SHPRH: variants seen among roughly 807,000 people sequenced by gnomAD.
The protein encoded by SHPRH is E3 ubiquitin-protein ligase SHPRH.
SHPRH carries 106 observed loss-of-function variants against 202.5 expected under a neutral mutation model. That is an observed-to-expected ratio of 0.52 (90% CI 0.45 to 0.62). The LOEUF (loss-of-function observed/expected upper bound fraction) is 0.62, where lower values mean the gene tolerates loss of function less well. SHPRH is among the 20% of genes least tolerant of loss of function. The pLI is 0.00. For synonymous variants in SHPRH, 729 were observed against 686.0 expected (o/e 1.06, Z -0.98); for missense variants, 1,710 against 2,020.0 (o/e 0.85, Z 2.94).
chr6:145,951,947 T>C (rs1265854384), intron 3 of SHPRH: 1 of 454,356 alleles, frequency 2.2e-6, no homozygotes, highest in Non-Finnish European at 4.4e-6. Context: ...AGAGCAAAGT[T>C]ATCTGGTCTT....
intron 23 of SHPRH, among the ~76,000 whole-genome samples, chr6:145,915,532 A>T (rs1022511767): frequency 2.6e-5 from 4 of 151,858 alleles, no homozygotes; most frequent in Admixed American, 2.6e-4. Flanking sequence ...CACTTTTTTT[A>T]AAAAAAGGAA....
At chr6:145,877,307 T>G (rs1255977560) in intron 2 of SHPRH, among the ~76,000 whole-genome samples, 2 of 152,222 alleles carry the variant, frequency 1.3e-5, no homozygotes, top group African/African-American at 4.8e-5. Flanking sequence ...ATTTTCTGTA[T>G]CCTTAACAAA....
Position 145,943,335 on chromosome 6 carries a change from C to G in SHPRH, c.2046G>C (p.Leu682=). The G allele has an allele frequency of 6.2e-7, 1 of 1,613,868 alleles. No individual in the cohort carries two copies. Among genetic ancestry groups the G allele is most frequent in the Middle Eastern group, 1.7e-4 (1 of 6,056 alleles). ...AATTCACACACTTTGCATGTTGCCA[C>G]AGGTGACACTTCAGGCATTGAACAC... ...KPRVQCLKCH[L]WQHAKCVNYD... Residue 682 remains leucine (L), a synonymous_variant, in exon 9 of 30, where the codon CTG becomes CTC. Transcript: ENST00000275233.
At chr6:145,889,153 G>A in intron 28 of SHPRH, among the ~76,000 whole-genome samples, 1 of 152,094 alleles carries the variant, frequency 6.6e-6, no homozygotes, top group East Asian at 1.9e-4. Context: ...TCTGGGCTGG[G>A]GGATATACAC....
chr6:145,884,269 A>G (rs1780804605), downstream of SHPRH: 1 of 152,240 alleles, frequency 6.6e-6, no homozygotes, highest in Non-Finnish European at 1.5e-5. Flanking sequence ...TGGCTTATTC[A>G]GCTCAGGTCA....
intron 2 of SHPRH, among the ~76,000 whole-genome samples, chr6:145,879,360 A>G (rs1780448384): frequency 6.6e-6 from 1 of 152,202 alleles, no homozygotes; most frequent in African/African-American, 2.4e-5. Context: ...AGTTGGCTGA[A>G]GATATTCTGG....
chr6:145,917,595 G>GA (rs5880659), intron 23 of SHPRH: 96,241 of 151,860 alleles, frequency 0.63, 31,003 homozygotes, highest in African/African-American at 0.73. Flanking sequence ...AGCAAAATAT[G>GA]ATTCCTGCAA....
intron 25 of SHPRH, among the ~76,000 whole-genome samples, chr6:145,895,522 C>A (rs1285052844): frequency 2.0e-5 from 3 of 148,690 alleles, no homozygotes; most frequent in Admixed American, 2.0e-4. Context: ...CAAAGCTAGA[C>A]ACTTAAAACT....
downstream of SHPRH, among the ~76,000 whole-genome samples, chr6:145,882,068 C>G (rs1780617578): frequency 6.6e-6 from 1 of 151,420 alleles, no homozygotes; most frequent in South Asian, 2.1e-4. Flanking sequence ...TACACTTCAC[C>G]CTGGGTAACA....
intron 23 of SHPRH, among the ~76,000 whole-genome samples, chr6:145,914,423 A>T (rs989875975): frequency 6.6e-6 from 1 of 152,180 alleles, no homozygotes; most frequent in Admixed American, 6.5e-5. Flanking sequence ...CATTTATATA[A>T]ATGGTGAGAT....
At chr6:145,955,807 A>G (rs1315718487) in intron 1 of SHPRH, among the ~76,000 whole-genome samples, 1 of 152,088 alleles carries the variant, frequency 6.6e-6, no homozygotes, top group African/African-American at 2.4e-5. Context: ...CAGAAAAATA[A>G]GACCCATTAC....
intron 25 of SHPRH, chr6:145,910,157 G>A (rs1783365222): frequency 4.0e-6 from 1 of 252,364 alleles, no homozygotes; most frequent in South Asian, 1.3e-4. Context: ...GTCTACTTGT[G>A]GTGGATAGAA....
In SHPRH at chr6:145,946,307, T is replaced by C. The variant is rs1318881082; in HGVS notation, c.1247A>G (p.Tyr416Cys). The C allele has an allele frequency of 6.2e-7, 1 of 1,607,692 alleles. No homozygotes were observed. Among genetic ancestry groups the C allele is most frequent in the East Asian group, 2.2e-5 (1 of 44,514 alleles). ...KVVNYFIPSH[Y>C]FGGKLKKTEI... ...TGTCTTTTTCAGTTTTCCTCCAAAA[T>C]AATGTGACGGAATAAAATAATTCAC... Residue 416 changes from tyrosine to cysteine, a missense_variant, in exon 7 of 30, where the codon TAT becomes TGT. Coordinates refer to ENST00000275233, the MANE Select transcript of SHPRH (RefSeq NM_001042683.3).
rs779116024 is a variant in SHPRH at position 145,894,142 on chromosome 6, T to C, written c.4695+8A>G. ...CACTACAAAAACCGGAGTAAAATCT[T>C]AACATACCTGAAATGTCTTAACACG... is the stretch of plus-strand genomic sequence containing the variant. On this transcript the variant is annotated splice_region_variant and intron_variant, in intron 27 of 29. Coordinates refer to ENST00000275233, the MANE Select transcript of SHPRH (RefSeq NM_001042683.3). 1.3e-6 allele frequency: 2 copies of C among 1,584,592 alleles called. No individual in the cohort carries two copies. The highest frequency in any genetic ancestry group is 1.7e-6 in the Non-Finnish European group (2 of 1,169,798).
At chr6:145,910,903 G>C (rs968611611) in intron 24 of SHPRH, among the ~76,000 whole-genome samples, 1 of 152,110 alleles carries the variant, frequency 6.6e-6, no homozygotes, top group Non-Finnish European at 1.5e-5. Flanking sequence ...TATTTGGGAA[G>C]AATGTAAATT....
intron 20 of SHPRH, 82 bp downstream of exon 20, chr6:145,922,204 A>G: frequency 1.7e-6 from 2 of 1,199,080 alleles, no homozygotes; most frequent in Non-Finnish European, 2.4e-6. Context: ...ACTGTGGGGG[A>G]AAACATAGTC....
At chr6:145,900,830 T>C (rs1279290961) in intron 25 of SHPRH, among the ~76,000 whole-genome samples, 4 of 152,184 alleles carry the variant, frequency 2.6e-5, no homozygotes, top group African/African-American at 9.6e-5. Flanking sequence ...TTGTGTTTTT[T>C]AAATATGCTG....
rs759150185 is a variant in SHPRH at position 145,927,170 on chromosome 6, C to A, written c.3201+19G>T. On this transcript the variant is annotated intron_variant, in intron 15 of 29. Transcript: ENST00000275233. ...AAAAACAAACAGAATACCTATGAAA[C>A]TGTTTAGTCTTTACTTACTTGAAGT... The A allele has an allele frequency of 6.2e-7, 1 of 1,604,146 alleles. No homozygotes were observed. Among genetic ancestry groups the A allele is most frequent in the East Asian group, 2.2e-5 (1 of 44,552 alleles).
downstream of SHPRH, among the ~76,000 whole-genome samples, chr6:145,861,683 T>C (rs1032235437): frequency 6.6e-6 from 1 of 152,152 alleles, no homozygotes; most frequent in South Asian, 2.1e-4. Context: ...AGCCAAGATA[T>C]GGAAACAACC....
Sources: allele counts gnomAD v4.1 joint callset (sites outside exome capture counted in the v4.1 genomes callset), GRCh38; gene constraint gnomAD v4.1.1; transcripts MANE v1.5; gene names NCBI Gene and HGNC (gene_info 2026-07-23, HGNC 2026-07-21).